CDH18: variants seen among roughly 807,000 people sequenced by gnomAD.
CDH18 encodes the protein cadherin-18.
A neutral mutation model predicts 67.9 loss-of-function variants in CDH18; 31 were observed. That is an observed-to-expected ratio of 0.46 (90% CI 0.34 to 0.62). The LOEUF is 0.62. Among genes scored for constraint, CDH18 ranks in the 20% least tolerant of loss-of-function variants. CDH18 has a pLI of 0.01. For missense variants in CDH18, 890 were observed against 975.5 expected (o/e 0.91, Z 1.17); for synonymous variants, 362 against 347.2 (o/e 1.04, Z -0.48).
intron 5 of CDH18, among the ~76,000 whole-genome samples, chr5:19,677,689 G>A (rs1051739267): frequency 1.2e-4 from 18 of 151,244 alleles, no homozygotes; most frequent in African/African-American, 4.4e-4. Flanking sequence ...AATGACAACC[G>A]TAAACTAAAA....
chr5:20,179,262 T>A (rs1322166745), intron 2 of CDH18, among the ~76,000 whole-genome samples: 1 of 152,032 alleles, frequency 6.6e-6, no homozygotes, highest in Non-Finnish European at 1.5e-5. Context: ...GCAAGAAAAA[T>A]TTTATTACCT....
At chr5:20,205,732 A>G (rs915011888) in intron 2 of CDH18, among the ~76,000 whole-genome samples, 1 of 151,902 alleles carries the variant, frequency 6.6e-6, no homozygotes. Context: ...ACACAAACAC[A>G]TGGAAATTAA....
rs148410294 is a variant in CDH18 at position 19,669,265 on chromosome 5, A to G, written c.643+52082T>C. 5.5e-3 allele frequency among the ~76,000 whole-genome samples: 749 copies of G among 135,496 alleles called. 4 individuals are homozygous for G. The highest frequency in any genetic ancestry group is 8.0e-3 in the Non-Finnish European group (531 of 66,764). The allele number at this position is 135,496 out of a possible 152,430, so 88.9% of individuals were successfully genotyped here. On this transcript the variant is annotated intron_variant, in intron 5 of 12. Transcript: ENST00000382275. ...ATATATATTATATATAAAATATTAT[A>G]TTATATATTATTCTATTAAATATTA...
At chr5:19,558,881 G>T (rs1489170875) in intron 8 of CDH18, among the ~76,000 whole-genome samples, 1 of 151,626 alleles carries the variant, frequency 6.6e-6, no homozygotes, top group Non-Finnish European at 1.5e-5. Context: ...AGACCCGGAT[G>T]AACATATATG....
intron 9 of CDH18, among the ~76,000 whole-genome samples, chr5:19,536,217 TAA>T (rs1749398105): frequency 1.3e-5 from 2 of 152,162 alleles, no homozygotes; most frequent in African/African-American, 4.8e-5. Flanking sequence ...TGAAATGCAA[TAA>T]GTGTTATACT....
At chr5:20,327,540 G>C (rs1738716669) in intron 1 of CDH18, among the ~76,000 whole-genome samples, 1 of 151,732 alleles carries the variant, frequency 6.6e-6, no homozygotes, top group South Asian at 2.1e-4. Context: ...AAAAGCACAG[G>C]TCACAGATGC....
At chr5:19,727,080 T>C (rs1469007627) in intron 4 of CDH18, among the ~76,000 whole-genome samples, 1 of 152,156 alleles carries the variant, frequency 6.6e-6, no homozygotes, top group Non-Finnish European at 1.5e-5. Context: ...ACCTAGACTA[T>C]GGCTTTCTGT....
At chr5:19,744,304 A>T (rs916657357) in intron 4 of CDH18, among the ~76,000 whole-genome samples, 12 of 152,266 alleles carry the variant, frequency 7.9e-5, no homozygotes, top group African/African-American at 2.9e-4. Flanking sequence ...TACTCATCTC[A>T]GTAAGAGAAC....
chr5:19,937,557 A>G (rs1484620048), intron 2 of CDH18, among the ~76,000 whole-genome samples: 2 of 151,424 alleles, frequency 1.3e-5, no homozygotes, highest in African/African-American at 4.8e-5. Context: ...AATGCACACA[A>G]ACATATAACC....
At chr5:20,457,123 G>C (rs1052059597) in intron 1 of CDH18, among the ~76,000 whole-genome samples, 2 of 152,138 alleles carry the variant, frequency 1.3e-5, no homozygotes, top group African/African-American at 4.8e-5. Flanking sequence ...AATGACATTT[G>C]CCTATAAAGT....
intron 8 of CDH18, among the ~76,000 whole-genome samples, chr5:19,564,102 G>A (rs986105923): frequency 6.6e-6 from 1 of 152,166 alleles, no homozygotes; most frequent in Non-Finnish European, 1.5e-5. Flanking sequence ...CCACCACTGT[G>A]GGCTAAAGCA....
intron 5 of CDH18, among the ~76,000 whole-genome samples, chr5:19,636,699 T>G (rs1753201711): frequency 6.6e-6 from 1 of 151,958 alleles, no homozygotes; most frequent in South Asian, 2.1e-4. Context: ...AATAAATAAC[T>G]GTACTCTATA....
chr5:20,362,745 A>G (rs969913451), intron 1 of CDH18, among the ~76,000 whole-genome samples: 2 of 152,124 alleles, frequency 1.3e-5, no homozygotes, highest in African/African-American at 4.8e-5. Context: ...TAGATCGACT[A>G]CCAACTTCAT....
chr5:19,725,019 TG>T (rs1766630638), intron 4 of CDH18, among the ~76,000 whole-genome samples: 1 of 151,268 alleles, frequency 6.6e-6, no homozygotes, highest in South Asian at 2.1e-4. Flanking sequence ...CTCCGCCTCC[TG>T]GGTTCATGCC....
chr5:20,368,411 C>T (rs1320453942), intron 1 of CDH18, among the ~76,000 whole-genome samples: 1 of 152,114 alleles, frequency 6.6e-6, no homozygotes, highest in Non-Finnish European at 1.5e-5. Flanking sequence ...AATAAATACA[C>T]ATCTAAAGCT....
At chr5:19,796,494 A>G (rs1409054024) in intron 3 of CDH18, among the ~76,000 whole-genome samples, 1 of 152,140 alleles carries the variant, frequency 6.6e-6, no homozygotes, top group African/African-American at 2.4e-5. Flanking sequence ...CTCTTCAAGA[A>G]TGAAGGAAAA....
At chr5:20,353,303 G>A (rs1741355129) in intron 1 of CDH18, among the ~76,000 whole-genome samples, 2 of 152,132 alleles carry the variant, frequency 1.3e-5, no homozygotes, top group South Asian at 4.1e-4. Flanking sequence ...GCGCTTGCCA[G>A]TAATATGAGG....
intron 2 of CDH18, among the ~76,000 whole-genome samples, chr5:19,969,559 T>C (rs1297554201): frequency 1.3e-5 from 2 of 149,456 alleles, no homozygotes; most frequent in South Asian, 2.1e-4. Context: ...ATGGATGAAA[T>C]TGGAAATCAT....
At chr5:19,861,959 T>C (rs1393813727) in intron 2 of CDH18, among the ~76,000 whole-genome samples, 1 of 152,136 alleles carries the variant, frequency 6.6e-6, no homozygotes, top group Admixed American at 6.5e-5. Flanking sequence ...AATGATACAT[T>C]GGTGCATTAC....
Sources: gnomAD v4.1 joint callset for allele counts (sites outside exome capture counted in the v4.1 genomes callset) on GRCh38, gnomAD v4.1.1 for gene constraint, MANE v1.5 for transcripts, NCBI Gene and HGNC (gene_info 2026-07-23, HGNC 2026-07-21) for gene names.